The following SEPTIN4 variants were observed in gnomAD, a reference collection of about 807,000 sequenced individuals.
SEPTIN4 encodes septin 4.
A neutral mutation model predicts 107.1 loss-of-function variants in SEPTIN4; 52 were observed. The ratio of observed to expected loss-of-function variants is 0.49; its 90% confidence interval spans 0.39 to 0.61. The LOEUF (loss-of-function observed/expected upper bound fraction) is 0.61. Among genes scored for constraint, SEPTIN4 ranks in the 20% least tolerant of loss-of-function variants. The pLI, the probability that SEPTIN4 is intolerant of heterozygous loss-of-function variation, is 0.00. For missense variants in SEPTIN4, 1,048 were observed against 1,243.5 expected (o/e 0.84, Z 2.36); for synonymous variants, 417 against 467.0 (o/e 0.89, Z 1.38).
rs1165626200 is a variant in SEPTIN4, at chr17:58,521,901, T to G, written c.2352-48A>C. The G allele has an allele frequency of 1.2e-6, 2 of 1,614,236 alleles. No individual in the cohort carries two copies. The highest frequency in any genetic ancestry group is 3.3e-5 in the Admixed American group (2 of 60,032). On this transcript the variant is annotated intron_variant, in intron 8 of 13. Coordinates refer to ENST00000672673, the MANE Select transcript of SEPTIN4 (RefSeq NM_001368771.2). This position sits in a 1 kb window ranked among gnomAD's most constrained non-coding sequence, Gnocchi z 6.4. ...CACCTGCTAGTGGCAGCCCTGCCCC[T>G]GGTGCTCTTGGCCTGTTCCCTTGAC...
chr17:58,523,432 T>A (rs2042499771), intron 7 of SEPTIN4, among the ~76,000 whole-genome samples: 1 of 151,702 alleles, frequency 6.6e-6, no homozygotes, highest in Non-Finnish European at 1.5e-5. Flanking sequence ...TGTAGGTCAT[T>A]TAGCTAGTAA....
At chr17:58,539,301 G>C in intron 3 of SEPTIN4, 1 of 723,266 alleles carries the variant, frequency 1.4e-6, no homozygotes. Flanking sequence ...AAGATGCACA[G>C]AAAAAGGGGA....
At chr17:58,529,146 T>G in intron 3 of SEPTIN4, 1 of 1,614,206 alleles carries the variant, frequency 6.2e-7, no homozygotes, top group Non-Finnish European at 8.5e-7. Context: ...AGGGACAGAA[T>G]TCCCTTGCCA....
rs1464912819 is a variant in SEPTIN4 at position 58,543,909 on chromosome 17, CT to C, written c.277del (p.Arg93GlufsTer12). 6.2e-7 allele frequency: 1 copy of C among 1,613,956 alleles called. No individual in the cohort carries two copies. The highest frequency in any genetic ancestry group is 2.2e-5 in the East Asian group (1 of 44,864). Reference sequence around the variant, plus strand: ...AGAGGAATGGCGGGATGATTCTGTTCTTGGTCCAGTCTCGGGTCCCCGAGGA... The same window carrying C: ...AGAGGAATGGCGGGATGATTCTGTTCTGGTCCAGTCTCGGGTCCCCGAGGA... ...PTPRGPETGPRTESSRHSSPH... is the reference protein window; with the variant it reads ...PTPRGPETGPXTESSRHSSPH... On this transcript the variant is annotated frameshift_variant, in exon 1 of 14. Coordinates refer to ENST00000672673, the MANE Select transcript of SEPTIN4 (RefSeq NM_001368771.2). LOFTEE classifies it high-confidence loss of function.
intron 3 of SEPTIN4, among the ~76,000 whole-genome samples, chr17:58,537,557 C>T (rs2043755023): frequency 6.6e-6 from 1 of 152,122 alleles, no homozygotes; most frequent in Non-Finnish European, 1.5e-5. Context: ...CAAGGCCGGG[C>T]GTGGTGACTC....
rs765545728 is a variant in SEPTIN4 at position 58,521,074 on chromosome 17, C to T, written c.2755G>A (p.Glu919Lys). The T allele has an allele frequency of 2.4e-5, 39 of 1,614,046 alleles. 1 individual carries two copies. The highest frequency in any genetic ancestry group is 1.6e-5 in the Non-Finnish European group (19 of 1,180,044). Residue 919 changes from glutamate (E) to lysine (K), a missense_variant, in exon 12 of 14, where the codon GAG (glutamate) becomes AAG (lysine). Transcript: ENST00000672673. The surrounding 1 kb of genome is among the most constrained non-coding windows in gnomAD (Gnocchi z 6.4). The stretch of plus-strand genomic sequence containing the variant: ...GCCCGGTAGTTCTCATAATGTGTCT[C>T]CCGTGTCACATCCTTCAGGTCCTGC... ...HMQDLKDVTR[E>K]THYENYRAQC... is the part of the protein sequence containing the mutation.
chr17:58,526,561 C>CACACACACAA, intron 4 of SEPTIN4, 121 bp downstream of exon 4: 1 of 1,403,670 alleles, frequency 7.1e-7, no homozygotes, highest in Non-Finnish European at 9.2e-7. Flanking sequence ...GTCCCAGATA[C>CACACACACAA]ACACACACAC....
At chr17:58,527,007 T>C (rs751932342) in intron 3 of SEPTIN4, 29 bp from the exon 4 acceptor site, 1 of 1,612,888 alleles carries the variant, frequency 6.2e-7, no homozygotes, top group Non-Finnish European at 8.5e-7. Context: ...GTAGAATAGA[T>C]GGGTGGTGCC....
intron 3 of SEPTIN4, chr17:58,527,964 C>T (rs977224454): frequency 2.4e-5 from 24 of 985,552 alleles, no homozygotes; most frequent in Non-Finnish European, 2.8e-5. Context: ...GGAACTGTTT[C>T]CCCCAACTCT....
Position 58,543,325 on chromosome 17 carries a change from A to G in SEPTIN4, c.862T>C (p.Ser288Pro). Reference sequence around the variant, plus strand: ...AGAGACTCAGGGTCTACCCGTGCAGAAACTCGGTGTACACCATCAGAATCT... The same window carrying G: ...AGAGACTCAGGGTCTACCCGTGCAGGAACTCGGTGTACACCATCAGAATCT... ...LKDSDGVHRV[S>P]ARVDPESLHK... The change falls in exon 1 of 14, where the codon TCT (serine) becomes CCT (proline). Residue 288 changes from serine to proline, a missense_variant. By Grantham distance (74) the Ser-to-Pro change is moderately conservative (BLOSUM62 -1). Around this residue, in one of 2 missense-constraint regions of SEPTIN4, gnomAD observed 787 missense variants for 871.8 expected, o/e 0.90. Coordinates refer to ENST00000672673, the MANE Select transcript of SEPTIN4 (RefSeq NM_001368771.2). The G allele has an allele frequency of 6.2e-6, 10 of 1,614,198 alleles. No individual in the cohort carries two copies. Among genetic ancestry groups the G allele is most frequent in the Non-Finnish European group, 8.5e-6 (10 of 1,180,034 alleles).
Position 58,543,766 on chromosome 17 carries a change from G to T in SEPTIN4, c.421C>A (p.Arg141Ser). 6.2e-6 allele frequency: 10 copies of T among 1,614,156 alleles called. No homozygotes were observed. The highest frequency in any genetic ancestry group is 8.5e-6 in the Non-Finnish European group (10 of 1,180,026). Residue 141 changes from arginine to serine, a missense_variant, in exon 1 of 14, where the codon CGC (arginine) becomes AGC (serine). Arg to Ser is a moderately radical substitution (Grantham distance 110). This residue lies in a region of SEPTIN4 where 787 missense variants were observed against 871.8 expected (regional missense o/e 0.90). Transcript: ENST00000672673. ...GATGAAGCATGATGGCCGACCTCGC[G>T]CCCTGACTTGCTCTCACTGCCTCTT... is the stretch of plus-strand genomic sequence containing the variant. Reference protein sequence around the residue: ...ARRGSESKSGREVGHHASSIP... With the variant: ...ARRGSESKSGSEVGHHASSIP...
chr17:58,525,681 TC>T lies in SEPTIN4; in HGVS notation c.2092+13del. Reference sequence around the variant, plus strand: ...CCAAGGCAAGTCTGCCTGATTGTCCTCTCCTTTCCTTACCTTCAGCACCAAG... The same window carrying T: ...CCAAGGCAAGTCTGCCTGATTGTCCTTCCTTTCCTTACCTTCAGCACCAAG... On this transcript the variant is annotated intron_variant, in intron 6 of 13. Coordinates refer to ENST00000672673, the MANE Select transcript of SEPTIN4 (RefSeq NM_001368771.2). 1 of 1,610,878 alleles carries T rather than the reference TC, an allele frequency of 6.2e-7. No individual in the cohort carries two copies.
intron 6 of SEPTIN4, chr17:58,525,439 T>C: frequency 6.5e-6 from 4 of 619,666 alleles, no homozygotes; most frequent in Non-Finnish European, 1.1e-5. Context: ...CCGGTTTTTT[T>C]CTTGGATTCC....
chr17:58,522,422 G>A (rs2042363944), intron 7 of SEPTIN4, among the ~76,000 whole-genome samples: 1 of 152,070 alleles, frequency 6.6e-6, no homozygotes, highest in Non-Finnish European at 1.5e-5. Flanking sequence ...CACTTTGGGA[G>A]GCCGAGGCGG....
chr17:58,527,175 A>C (rs1167341058), intron 3 of SEPTIN4, 197 bp from the exon 4 acceptor site: 2 of 958,118 alleles, frequency 2.1e-6, no homozygotes, highest in African/African-American at 1.6e-5. Context: ...AGCCTCCCCA[A>C]TCCAATATGC....
Position 58,539,081 on chromosome 17 carries a change from G to A in SEPTIN4, c.1614+1585C>T. 2.1e-6 allele frequency: 3 copies of A among 1,426,918 alleles called. No individual in the cohort carries two copies. In the South Asian group the frequency reaches 3.8e-5, roughly 18 times the overall value. The allele number at this position is 1,426,918 out of a possible 1,614,324, so 88.4% of individuals were successfully genotyped here. ...GAGCCTAGCTCTCTCATGCATTAGAGAGCACCTGGCCCATCTCCATGCCAT... is the reference window on the plus strand; with the variant it reads ...GAGCCTAGCTCTCTCATGCATTAGAAAGCACCTGGCCCATCTCCATGCCAT... On this transcript the variant is annotated intron_variant, in intron 3 of 13. Transcript: ENST00000672673.
At position 58,543,398 on chromosome 17, in the gene SEPTIN4, C is replaced by A; in HGVS notation, c.789G>T (p.Leu263Phe). ...YGPIPSKPKA[L>F]YRNMNLDSLL... is the part of the protein sequence containing the mutation. ...ATGAGTCCAAGTTCATATTCCTATA[C>A]AAGGCCTTGGGTTTTGAAGGAATTG... Residue 263 changes from leucine (L) to phenylalanine (F), a missense_variant, in exon 1 of 14, where the codon TTG becomes TTT. Transcript: ENST00000672673. The A allele has an allele frequency of 6.2e-7, 1 of 1,614,170 alleles. No individual in the cohort carries two copies. The highest frequency in any genetic ancestry group is 8.5e-7 in the Non-Finnish European group (1 of 1,180,016).
Position 58,543,870 on chromosome 17 carries a change from C to A in SEPTIN4, c.317G>T (p.Ser106Ile), listed in dbSNP as rs768917904. The stretch of plus-strand genomic sequence containing the variant: ...GGAAGCCAGTGTCTGAGTCTTCTGG[C>A]TCTTTAGATGGGGAGAGGAATGGCG... ...SSRHSSPHLKSQKTQTLASHA... is the reference protein window; with the variant it reads ...SSRHSSPHLKIQKTQTLASHA... The change falls in exon 1 of 14, where the codon AGC becomes ATC. Residue 106 changes from serine (S) to isoleucine (I), a missense_variant. This residue lies in a region of SEPTIN4 where 787 missense variants were observed against 871.8 expected (regional missense o/e 0.90). Coordinates refer to ENST00000672673, the MANE Select transcript of SEPTIN4 (RefSeq NM_001368771.2). 1.9e-6 allele frequency: 3 copies of A among 1,614,004 alleles called. No homozygotes were observed. Among genetic ancestry groups the A allele is most frequent in the Non-Finnish European group, 2.5e-6 (3 of 1,180,018 alleles).
intron 3 of SEPTIN4, among the ~76,000 whole-genome samples, chr17:58,528,838 C>A (rs996149223): frequency 1.3e-5 from 2 of 152,070 alleles, no homozygotes; most frequent in African/African-American, 2.4e-5. Flanking sequence ...AAAGGAAGGC[C>A]CTAATGAAGA....
Sources: allele counts gnomAD v4.1 joint callset (sites outside exome capture counted in the v4.1 genomes callset), GRCh38; gene constraint gnomAD v4.1.1; regional missense constraint gnomAD v4.1.1; non-coding constraint Gnocchi (gnomAD v3.1); transcripts MANE v1.5; gene names NCBI Gene and HGNC (gene_info 2026-07-23, HGNC 2026-07-21).